The following LRBA variants were observed in gnomAD, a reference collection of about 807,000 sequenced individuals.
LRBA encodes LPS responsive beige-like anchor protein.
A neutral mutation model predicts 330.0 loss-of-function variants in LRBA; 176 were observed. The observed-to-expected ratio is 0.53, with a 90% CI of 0.47 to 0.60. The LOEUF is 0.60. LRBA is among the 20% of genes least tolerant of loss of function. LRBA has a pLI of 0.00. For synonymous variants in LRBA, 1,230 were observed against 1,193.0 expected, an observed-to-expected ratio of 1.03 and a Z score of -0.64; for missense variants, 3,259 against 3,444.8, an observed-to-expected ratio of 0.95 and a Z score of 1.35.
At chr4:150,896,171 A>G (rs1338422774) in intron 16 of LRBA, among the ~76,000 whole-genome samples, 4 of 152,166 alleles carry the variant, frequency 2.6e-5, no homozygotes, top group Non-Finnish European at 2.9e-5. Context: ...AATGAAATCT[A>G]ATGTTAGTAC....
intron 2 of LRBA, among the ~76,000 whole-genome samples, chr4:151,010,283 C>A (rs977569253): frequency 6.6e-6 from 1 of 152,186 alleles, no homozygotes; most frequent in Non-Finnish European, 1.5e-5. Flanking sequence ...CTGATGGAAG[C>A]CTTAAACTCA....
chr4:150,448,257 G>A (rs920455476), intron 44 of LRBA, among the ~76,000 whole-genome samples: 3 of 152,114 alleles, frequency 2.0e-5, no homozygotes, highest in South Asian at 2.1e-4. Flanking sequence ...TGGCAATTTC[G>A]GTACCACAAA....
At chr4:150,456,968 T>C (rs968517168) in intron 44 of LRBA, among the ~76,000 whole-genome samples, 18 of 152,146 alleles carry the variant, frequency 1.2e-4, no homozygotes, top group Admixed American at 6.6e-5. Context: ...TTGTCAAAAA[T>C]GAGTCCACTG....
intron 47 of LRBA, among the ~76,000 whole-genome samples, chr4:150,380,272 C>T (rs2151886723): frequency 6.6e-6 from 1 of 152,150 alleles, no homozygotes; most frequent in East Asian, 1.9e-4. Context: ...AGCATTAGAA[C>T]AACAGGGATC....
intron 48 of LRBA, among the ~76,000 whole-genome samples, chr4:150,346,151 T>C (rs1214938408): frequency 1.3e-5 from 2 of 152,136 alleles, no homozygotes; most frequent in East Asian, 3.8e-4. Context: ...AAATTAAATG[T>C]GTGTATTTAT....
chr4:150,410,484 T>C (rs1746823630), intron 47 of LRBA, among the ~76,000 whole-genome samples: 1 of 152,166 alleles, frequency 6.6e-6, no homozygotes, highest in African/African-American at 2.4e-5. Context: ...ACTATTTGTG[T>C]CACCATTATG....
At chr4:150,373,647 T>A (rs949500426) in intron 47 of LRBA, among the ~76,000 whole-genome samples, 8 of 152,312 alleles carry the variant, frequency 5.3e-5, no homozygotes, top group African/African-American at 1.9e-4. Flanking sequence ...TGTTTCTAGT[T>A]CACTAACATC....
At chr4:150,434,610 C>T (rs1234392395) in intron 46 of LRBA, among the ~76,000 whole-genome samples, 1 of 152,102 alleles carries the variant, frequency 6.6e-6, no homozygotes, top group Non-Finnish European at 1.5e-5. Context: ...AATCCCAGCA[C>T]TTTGGGTGGC....
chr4:150,660,607 G>C (rs1423561763), intron 37 of LRBA, among the ~76,000 whole-genome samples: 20 of 145,204 alleles, frequency 1.4e-4, no homozygotes, highest in African/African-American at 4.9e-4. Context: ...GATGACAATG[G>C]CGGCCTTGTG....
intron 37 of LRBA, among the ~76,000 whole-genome samples, chr4:150,649,798 A>C (rs1343136661): frequency 1.3e-5 from 2 of 152,192 alleles, no homozygotes; most frequent in African/African-American, 4.8e-5. Flanking sequence ...AAATCTGTAT[A>C]AACTAGCAAA....
At chr4:150,802,732 C>T (rs1343091279) in intron 33 of LRBA, among the ~76,000 whole-genome samples, 1 of 151,978 alleles carries the variant, frequency 6.6e-6, no homozygotes, top group East Asian at 1.9e-4. Flanking sequence ...TCAAAATATA[C>T]AGGGCATATG....
At chr4:150,907,247 G>T (rs1174997092) in intron 11 of LRBA, among the ~76,000 whole-genome samples, 4 of 91,214 alleles carry the variant, frequency 4.4e-5, no homozygotes, top group Non-Finnish European at 9.0e-5. Flanking sequence ...GGGAGAGGGA[G>T]AGGGGAGGGA....
At chr4:150,510,562 C>A (rs1174722890) in intron 40 of LRBA, among the ~76,000 whole-genome samples, 1 of 152,186 alleles carries the variant, frequency 6.6e-6, no homozygotes, top group African/African-American at 2.4e-5. Context: ...CTCAATGCAC[C>A]CATCTTTCTC....
chr4:150,782,842 T>A (rs950059199), intron 34 of LRBA, among the ~76,000 whole-genome samples: 1 of 152,108 alleles, frequency 6.6e-6, no homozygotes, highest in South Asian at 2.1e-4. Context: ...AAGTGAACCT[T>A]ACCAGCAAGT....
intron 37 of LRBA, among the ~76,000 whole-genome samples, chr4:150,673,359 G>A (rs924506234): frequency 6.6e-6 from 1 of 152,120 alleles, no homozygotes; most frequent in African/African-American, 2.4e-5. Flanking sequence ...ATAAGTCATT[G>A]TATATCCAGC....
chr4:150,928,456 T>C, intron 4 of LRBA, 60 bp downstream of exon 4: 1 of 974,680 alleles, frequency 1.0e-6, no homozygotes. Flanking sequence ...CTTTACAAGC[T>C]ACGAATGTGT....
intron 52 of LRBA, among the ~76,000 whole-genome samples, chr4:150,303,611 G>A (rs182632388): frequency 1.3e-5 from 2 of 150,140 alleles, no homozygotes; most frequent in Admixed American, 1.3e-4. Flanking sequence ...TCGTTCTGTC[G>A]CCCAGGCTGG....
At chr4:150,306,278 A>AT (rs559353054) in intron 52 of LRBA, among the ~76,000 whole-genome samples, 2,902 of 147,682 alleles carry the variant, frequency 0.02, 34 homozygotes, top group Middle Eastern at 0.056. Context: ...TAAGAGAAGG[A>AT]TTTTTTTTTT....
At chr4:150,373,836 G>A (rs1274165299) in intron 47 of LRBA, among the ~76,000 whole-genome samples, 1 of 152,026 alleles carries the variant, frequency 6.6e-6, no homozygotes, top group Non-Finnish European at 1.5e-5. Context: ...CCTGTGTTTG[G>A]AGTAGAAAGT....
Sources: gnomAD v4.1 joint callset for allele counts (sites outside exome capture counted in the v4.1 genomes callset) on GRCh38, gnomAD v4.1.1 for gene constraint, MANE v1.5 for transcripts, NCBI Gene and HGNC (gene_info 2026-07-23, HGNC 2026-07-21) for gene names.